The following ATXN8OS variants were observed in gnomAD, a reference collection of about 807,000 sequenced individuals.
ATXN8OS encodes the protein ATXN8 opposite strand (non-protein coding).
In ATXN8OS at chr13:70,131,486, T is replaced by C. The variant is rs150221311; in HGVS notation, n.499+1602T>C. Reference sequence around the variant, plus strand: ...GTCCCTTACCTTTTCTCCAGTCTCATTTTACATATTTTTTTACATGCTCTC... The same window carrying C: ...GTCCCTTACCTTTTCTCCAGTCTCACTTTACATATTTTTTTACATGCTCTC... On this transcript the variant is annotated intron_variant and non_coding_transcript_variant, in intron 3 of 4. Coordinates refer to ENST00000678624, the Ensembl canonical transcript of ATXN8OS. 505 of 398,474 alleles carry C rather than the reference T, an allele frequency of 1.3e-3. 3 individuals are homozygous for C. The highest frequency in any genetic ancestry group is 9.3e-3 in the African/African-American group (455 of 48,744). 24.7% of individuals were successfully genotyped at this position (398,474 alleles called of 1,614,324 possible).
At chr13:70,138,500 T>G (rs537987020) in intron 3 of ATXN8OS, among the ~76,000 whole-genome samples, 6 of 152,276 alleles carry the variant, frequency 3.9e-5, no homozygotes, top group African/African-American at 1.2e-4. Flanking sequence ...TCTCATTATA[T>G]TTATTCATTC....
chr13:70,142,602 A>G (rs1419950251), intron 3 of ATXN8OS, among the ~76,000 whole-genome samples: 4 of 152,226 alleles, frequency 2.6e-5, no homozygotes, highest in Non-Finnish European at 5.9e-5. Context: ...CCATGGAAAT[A>G]GTAATTACTT....
At chr13:70,115,293 A>G in exon 2 of ATXN8OS, 1 of 398,082 alleles carries the variant, frequency 2.5e-6, no homozygotes, top group East Asian at 3.6e-5. Flanking sequence ...GACAGAACCT[A>G]CTCCTGTAAG....
At chr13:70,142,425 A>G (rs1312678354) in intron 3 of ATXN8OS, among the ~76,000 whole-genome samples, 2 of 152,174 alleles carry the variant, frequency 1.3e-5, no homozygotes, top group Non-Finnish European at 2.9e-5. Context: ...CGCTGAATAC[A>G]GTTGATTCAA....
In ATXN8OS at chr13:70,114,537, T is replaced by A. The variant is rs531357585; in HGVS notation, n.241-604T>A. 4.6e-5 allele frequency among the ~76,000 whole-genome samples: 7 copies of A among 152,278 alleles called. No homozygotes were observed. The East Asian group carries it at 1.3e-3, about 29-fold the overall frequency. On this transcript the variant is annotated intron_variant and non_coding_transcript_variant, in intron 1 of 4. Transcript: ENST00000678624. The stretch of plus-strand genomic sequence containing the variant: ...AAAATAATAGCGGCAAAAGGAATGA[T>A]GAGTTTTCAGATTATATTACATTCT...
Position 70,153,014 on chromosome 13 carries a change from CTGTGTGTGTGTGTGTGTGTGTG to C in ATXN8OS, n.573+5606_573+5627del, listed in dbSNP as rs66574752. Among the ~76,000 whole-genome samples, 21 of 141,806 alleles carry C rather than the reference CTGTGTGTGTGTGTGTGTGTGTG, an allele frequency of 1.5e-4. No homozygotes were observed. The East Asian group carries it at 3.1e-3, about 21-fold the overall frequency. The allele number at this position is 141,806 out of a possible 152,430, so 93.0% of individuals were successfully genotyped here. A position where few individuals can be genotyped will look rare whatever the true frequency, so the allele number is the denominator to read the frequency against. On this transcript the variant is annotated intron_variant and non_coding_transcript_variant, in intron 4 of 4. Transcript: ENST00000678624. ...GAGTTAGAGAATGAATAAGAAAAAA[CTGTGTGTGTGTGTGTGTGTGTG>C]TGTGTGTGTGTGTGTGTGTAGACTG... is the stretch of plus-strand genomic sequence containing the variant.
At chr13:70,116,373 G>T (rs1033285489) in intron 2 of ATXN8OS, among the ~76,000 whole-genome samples, 4 of 152,096 alleles carry the variant, frequency 2.6e-5, no homozygotes, top group East Asian at 1.9e-4. Flanking sequence ...CACTGATAAG[G>T]TGGTATTTCT....
chr13:70,160,970 A>G (rs1308942136), intron 4 of ATXN8OS, among the ~76,000 whole-genome samples: 1 of 151,258 alleles, frequency 6.6e-6, no homozygotes, highest in Non-Finnish European at 1.5e-5. Context: ...AGCAGTTTAG[A>G]TGTGTTTAAG....
chr13:70,147,258 C>A (rs1421064354), intron 3 of ATXN8OS, among the ~76,000 whole-genome samples: 1 of 152,082 alleles, frequency 6.6e-6, no homozygotes, highest in Non-Finnish European at 1.5e-5. Context: ...AATTAAACTT[C>A]CCATGATGTG....
At chr13:70,140,866 T>C (rs1405892541) in intron 3 of ATXN8OS, among the ~76,000 whole-genome samples, 1 of 152,036 alleles carries the variant, frequency 6.6e-6, no homozygotes, top group East Asian at 1.9e-4. Context: ...GTGGGCCAGG[T>C]TTCTACTTGA....
chr13:70,144,545 G>A (rs1277208412), intron 3 of ATXN8OS, among the ~76,000 whole-genome samples: 1 of 151,836 alleles, frequency 6.6e-6, no homozygotes, highest in Non-Finnish European at 1.5e-5. Context: ...TATGCAAATG[G>A]GATACTTCTT....
chr13:70,161,825 T>C (rs905832691), intron 4 of ATXN8OS, among the ~76,000 whole-genome samples: 3 of 152,112 alleles, frequency 2.0e-5, no homozygotes, highest in South Asian at 2.1e-4. Context: ...ATGTAGGTTA[T>C]AGAATTTAAT....
intron 3 of ATXN8OS, among the ~76,000 whole-genome samples, chr13:70,138,787 T>C (rs955967979): frequency 6.6e-6 from 1 of 152,126 alleles, no homozygotes; most frequent in Non-Finnish European, 1.5e-5. Context: ...ATTTTAACCT[T>C]TAATTTAAAA....
intron 4 of ATXN8OS, among the ~76,000 whole-genome samples, chr13:70,161,950 T>C (rs1177785331): frequency 1.3e-5 from 2 of 152,004 alleles, no homozygotes; most frequent in Admixed American, 6.6e-5. Flanking sequence ...AGAAATTCTA[T>C]ACATTCAACT....
At chr13:70,139,937 TATTATAG>T (rs1206372943) in intron 3 of ATXN8OS, among the ~76,000 whole-genome samples, 3 of 152,180 alleles carry the variant, frequency 2.0e-5, no homozygotes, top group Non-Finnish European at 4.4e-5. Context: ...AATGTAGACA[TATTATAG>T]ATTATAATCT....
chr13:70,147,813 G>T (rs1888807974), intron 4 of ATXN8OS, among the ~76,000 whole-genome samples: 1 of 152,126 alleles, frequency 6.6e-6, no homozygotes, highest in Non-Finnish European at 1.5e-5. Flanking sequence ...ACAGCCTCGG[G>T]AGGTTCTAAG....
At chr13:70,108,277 T>TAAA (rs1888127952) in intron 1 of ATXN8OS, 1 of 372,806 alleles carries the variant, frequency 2.7e-6, no homozygotes, top group African/African-American at 2.1e-5. Flanking sequence ...CCTGGCCTTT[T>TAAA]CGAGGATGCC....
intron 3 of ATXN8OS, among the ~76,000 whole-genome samples, chr13:70,143,116 G>A (rs922563040): frequency 6.6e-6 from 1 of 151,032 alleles, no homozygotes; most frequent in African/African-American, 2.4e-5. Flanking sequence ...AATACAGAAT[G>A]TTCATGTTAC....
At chr13:70,117,255 TA>T (rs1888293372) in intron 2 of ATXN8OS, among the ~76,000 whole-genome samples, 1 of 152,014 alleles carries the variant, frequency 6.6e-6, no homozygotes, top group Non-Finnish European at 1.5e-5. Flanking sequence ...CACACAAAAG[TA>T]ACCATTTTAG....
Sources: gnomAD v4.1 joint callset for allele counts (sites outside exome capture counted in the v4.1 genomes callset) on GRCh38, gnomAD v4.1.1 for gene constraint, MANE v1.5 for transcripts, NCBI Gene and HGNC (gene_info 2026-07-23, HGNC 2026-07-21) for gene names.